The following SOX30 variants were observed in gnomAD, a reference collection of about 807,000 sequenced individuals.
SOX30 encodes the protein transcription factor SOX-30.
A neutral mutation model predicts 58.6 loss-of-function variants in SOX30; 17 were observed. That is an observed-to-expected ratio of 0.29 (90% confidence interval 0.20 to 0.44). The LOEUF (loss-of-function observed/expected upper bound fraction) is 0.44, where lower values mean the gene tolerates loss of function less well. SOX30 is among the 20% of genes least tolerant of loss of function. The pLI is 1.00. For synonymous variants in SOX30, 421 were observed against 400.2 expected (o/e 1.05, Z -0.62); for missense variants, 951 against 965.8 (o/e 0.98, Z 0.20).
Position 157,638,563 on chromosome 5 carries a change from G to A in SOX30, c.1547C>T (p.Pro516Leu), listed in dbSNP as rs1758988255. 1.2e-6 allele frequency: 2 copies of A among 1,614,056 alleles called. No homozygotes were observed. Among genetic ancestry groups the A allele is most frequent in the Admixed American group, 1.7e-5 (1 of 59,988 alleles). ...CAGCTGATGAGTGTCTGTTTGGGAA[G>A]GCCCAGTAAAGCGTTGGGGTGGGAG... ...PALPPQRFTG[P>L]SQTDTHQLHS... Residue 516 changes from proline (P) to leucine (L), a missense_variant, in exon 4 of 5, where the codon CCT (proline) becomes CTT (leucine). Physicochemically the swap from Pro to Leu is moderately conservative, Grantham distance 98. Coordinates refer to ENST00000265007, the MANE Select transcript of SOX30 (RefSeq NM_178424.2).
At chr5:157,634,802 C>T (rs1263613357) in intron 4 of SOX30, among the ~76,000 whole-genome samples, 1 of 152,120 alleles carries the variant, frequency 6.6e-6, no homozygotes, top group African/African-American at 2.4e-5. Flanking sequence ...TGCCCACCAC[C>T]ACACTTGGCT....
chr5:157,651,676 C>G lies in SOX30; in HGVS notation c.403G>C (p.Val135Leu). 6.2e-7 allele frequency: 1 copy of G among 1,606,994 alleles called. No individual in the cohort carries two copies. The highest frequency in any genetic ancestry group is 2.2e-5 in the East Asian group (1 of 44,524). Residue 135 changes from valine to leucine, a missense_variant, in exon 1 of 5, where the codon GTC becomes CTC. Around this residue, in one of 7 missense-constraint regions of SOX30, gnomAD observed 363 missense variants for 294.5 expected, o/e 1.23. Transcript: ENST00000265007. ...LHPVQPLALH[V>L]KAKKQKLGPS... ...CCCAGCTTCTGCTTCTTGGCCTTGACATGCAGCGCCAGGGGCTGCACCGGG... is the reference window on the plus strand; with the variant it reads ...CCCAGCTTCTGCTTCTTGGCCTTGAGATGCAGCGCCAGGGGCTGCACCGGG...
intron 3 of SOX30, among the ~76,000 whole-genome samples, chr5:157,641,853 A>AT (rs1561582341): frequency 6.6e-6 from 1 of 152,266 alleles, no homozygotes; most frequent in East Asian, 1.9e-4. Context: ...TACTCAGAAG[A>AT]TATCTGAGAT....
Position 157,627,257 on chromosome 5 carries a change from G to A in SOX30, c.1881-536C>T, listed in dbSNP as rs544945910. On this transcript the variant is annotated intron_variant, in intron 4 of 4. Coordinates refer to ENST00000265007, the MANE Select transcript of SOX30 (RefSeq NM_178424.2). The stretch of plus-strand genomic sequence containing the variant: ...GCATGCCTGTAGTCCCAGCTACTCA[G>A]GAGGCTGAGGCAGGAGGATCGCTTG... 1.1e-4 allele frequency among the ~76,000 whole-genome samples: 16 copies of A among 152,240 alleles called. 1 individual carries two copies. In the East Asian group the frequency reaches 3.1e-3, roughly 29 times the overall value.
chr5:157,648,546 T>C (rs1332322314), intron 2 of SOX30, 111 bp downstream of exon 2: 3 of 964,154 alleles, frequency 3.1e-6, no homozygotes, highest in Admixed American at 4.6e-5. Flanking sequence ...CTCTTTATTG[T>C]ACATATCAGA....
rs748537714 is a variant in SOX30, at chr5:157,626,498, G to A, written c.2104C>T (p.His702Tyr). The A allele has an allele frequency of 3.7e-6, 6 of 1,614,102 alleles. No homozygotes were observed. The highest frequency in any genetic ancestry group is 3.4e-6 in the Non-Finnish European group (4 of 1,180,042). Residue 702 changes from histidine to tyrosine, a missense_variant, in exon 5 of 5, where the codon CAC (histidine) becomes TAC (tyrosine). Transcript: ENST00000265007. ...GGGTTTAAGTTTTCTTCCCCACTGT[G>A]GCTATGACTGTTATAGTAAGAAGTT... Reference protein sequence around the residue: ...NGTSYYNSHSHSGEENLNPVP... With the variant: ...NGTSYYNSHSYSGEENLNPVP...
In SOX30 at chr5:157,651,184, G is replaced by C; in HGVS notation, c.895C>G (p.Gln299Glu). The change falls in exon 1 of 5, where the codon CAG becomes GAG. Residue 299 changes from glutamine to glutamate, a missense_variant. By Grantham distance (29) the Gln-to-Glu change is conservative. This residue lies in a region of SOX30 where 60 missense variants were observed against 74.0 expected (regional missense o/e 0.81). Transcript: ENST00000265007. Reference protein sequence around the residue: ...VPLTPVPTKMQSLLEPSVKIE... With the variant: ...VPLTPVPTKMESLLEPSVKIE... ...TTTACAGAAGGCTCCAGTAGGGACT[G>C]CATTTTAGTAGGCACTGGTGTCAGG... The C allele has an allele frequency of 6.2e-7, 1 of 1,609,696 alleles. No individual in the cohort carries two copies. The highest frequency in any genetic ancestry group is 8.5e-7 in the Non-Finnish European group (1 of 1,177,984).
At chr5:157,668,202 A>G (rs567293378) in intron 1 of SOX30, among the ~76,000 whole-genome samples, 1 of 152,284 alleles carries the variant, frequency 6.6e-6, no homozygotes, top group Non-Finnish European at 1.5e-5. Flanking sequence ...CTCTTCTCCT[A>G]CGGCTGTAGC....
chr5:157,651,911 C>A lies in SOX30; in HGVS notation c.168G>T (p.Gly56=), dbSNP rs1242048165. 6.6e-7 allele frequency: 1 copy of A among 1,519,392 alleles called. No individual in the cohort carries two copies. Among genetic ancestry groups the A allele is most frequent in the Non-Finnish European group, 8.8e-7 (1 of 1,138,262 alleles). The allele number at this position is 1,519,392 out of a possible 1,614,324, so 94.1% of individuals were successfully genotyped here. Residue 56 remains glycine, a synonymous_variant, in exon 1 of 5, where the codon GGG becomes GGT. Coordinates refer to ENST00000265007, the MANE Select transcript of SOX30 (RefSeq NM_178424.2). ...AASATLASSC[G]EAVASGLQPA... ...GCTGTAAGCCGGACGCCACTGCCTC[C>A]CCGCACGACGAGGCCAAGGTCGCAC...
intron 1 of SOX30, 121 bp downstream of exon 1, chr5:157,650,991 C>T: frequency 1.4e-6 from 1 of 735,170 alleles, no homozygotes; most frequent in Non-Finnish European, 2.2e-6. Flanking sequence ...GCAGACTCTG[C>T]CCTGAAAACA....
intron 4 of SOX30, among the ~76,000 whole-genome samples, chr5:157,629,569 G>A (rs1328423897): frequency 6.6e-6 from 1 of 152,126 alleles, no homozygotes; most frequent in Admixed American, 6.5e-5. Context: ...TTACATGAGT[G>A]AAAGCAAAAA....
chr5:157,644,252 T>C (rs1759137393), intron 3 of SOX30, among the ~76,000 whole-genome samples: 1 of 152,186 alleles, frequency 6.6e-6, no homozygotes, highest in Non-Finnish European at 1.5e-5. Flanking sequence ...ATTACAGGCA[T>C]GAGTCACCAC....
At chr5:157,644,320 T>C (rs1028975039) in intron 3 of SOX30, among the ~76,000 whole-genome samples, 83 of 152,168 alleles carry the variant, frequency 5.5e-4, no homozygotes, top group African/African-American at 1.8e-3. Context: ...ATAAGAGATA[T>C]TGTAAAAAAC....
At chr5:157,666,506 C>G (rs561767661) in intron 2 of SOX30, among the ~76,000 whole-genome samples, 82 of 151,434 alleles carry the variant, frequency 5.4e-4, no homozygotes, top group African/African-American at 1.8e-3. Flanking sequence ...CACACACACA[C>G]ACACACACAC....
At chr5:157,657,959 A>G (rs1429721072) in intron 2 of SOX30, among the ~76,000 whole-genome samples, 1 of 152,192 alleles carries the variant, frequency 6.6e-6, no homozygotes, top group Non-Finnish European at 1.5e-5. Context: ...CCCTTGGGGA[A>G]TTGGCCTCAG....
At position 157,646,823 on chromosome 5, in the gene SOX30, A is replaced by G; in HGVS notation, c.1208-7T>C. 6.2e-7 allele frequency: 1 copy of G among 1,606,808 alleles called. No individual in the cohort carries two copies. The highest frequency in any genetic ancestry group is 8.5e-7 in the Non-Finnish European group (1 of 1,174,418). On this transcript the variant is annotated splice_polypyrimidine_tract_variant and splice_region_variant and intron_variant, in intron 2 of 4. Transcript: ENST00000265007. ...CGAGGCTGATAAACCCAACCTATAG[A>G]AGACAAAATATGTTTAAATGTGTAG...
chr5:157,630,714 TC>T (rs1758768680), intron 4 of SOX30, among the ~76,000 whole-genome samples: 1 of 151,202 alleles, frequency 6.6e-6, no homozygotes, highest in Non-Finnish European at 1.5e-5. Flanking sequence ...AGTCTTTACT[TC>T]CTGCTTATAC....
chr5:157,631,223 A>G (rs1581388571), intron 4 of SOX30, among the ~76,000 whole-genome samples: 2 of 151,266 alleles, frequency 1.3e-5, no homozygotes, highest in East Asian at 1.9e-4. Context: ...ACCTGAGACT[A>G]CAGGTACACC....
chr5:157,658,308 C>G (rs1759517037), intron 2 of SOX30, among the ~76,000 whole-genome samples: 1 of 152,148 alleles, frequency 6.6e-6, no homozygotes, highest in Admixed American at 6.5e-5. Context: ...AAATGGGAAA[C>G]TGGAGAGAGA....
Sources: gnomAD v4.1 joint callset for allele counts (sites outside exome capture counted in the v4.1 genomes callset) on GRCh38, gnomAD v4.1.1 for gene constraint, gnomAD v4.1.1 regional missense constraint, MANE v1.5 for transcripts, NCBI Gene and HGNC (gene_info 2026-07-23, HGNC 2026-07-21) for gene names.